CCDC178: variants seen among roughly 807,000 people sequenced by gnomAD.
The protein encoded by CCDC178 is coiled-coil domain-containing protein 178.
Under a neutral mutation model 117.4 loss-of-function variants are expected in CCDC178, and 126 were observed. The ratio of observed to expected loss-of-function variants is 1.07; its 90% confidence interval spans 0.93 to 1.24. The LOEUF (loss-of-function observed/expected upper bound fraction) is 1.24. Among genes scored for constraint, CCDC178 ranks in the 50% most tolerant of loss-of-function variants. The pLI is 0.00. For synonymous variants in CCDC178, 283 were observed against 313.4 expected, an observed-to-expected ratio of 0.90 and a Z score of 1.02; for missense variants, 1,030 against 986.9, an observed-to-expected ratio of 1.04 and a Z score of -0.59.
intron 9 of CCDC178, among the ~76,000 whole-genome samples, chr18:33,333,957 G>A (rs1205019919): frequency 6.6e-6 from 1 of 151,926 alleles, no homozygotes; most frequent in Non-Finnish European, 1.5e-5. Context: ...TGTATATTCT[G>A]ACCATTCTAT....
intron 11 of CCDC178, among the ~76,000 whole-genome samples, chr18:33,300,071 C>T (rs142823516): frequency 6.6e-5 from 10 of 152,304 alleles, no homozygotes; most frequent in African/African-American, 2.4e-4. Flanking sequence ...TAAATTGGTG[C>T]TGTCCTCAGG....
chr18:33,269,023 T>C (rs2059854508), intron 12 of CCDC178, among the ~76,000 whole-genome samples: 1 of 151,692 alleles, frequency 6.6e-6, no homozygotes. Context: ...CCAGAGAGAG[T>C]AGAATCAGGC....
intron 20 of CCDC178, among the ~76,000 whole-genome samples, chr18:33,159,681 T>C (rs1274150767): frequency 3.9e-5 from 6 of 152,054 alleles, no homozygotes; most frequent in Admixed American, 6.6e-5. Context: ...TTTAATCACA[T>C]CTTTAGAGTC....
intron 21 of CCDC178, among the ~76,000 whole-genome samples, chr18:33,025,672 C>A (rs1340112006): frequency 1.3e-5 from 2 of 151,974 alleles, no homozygotes; most frequent in Admixed American, 1.3e-4. Context: ...TTAGGGGAAT[C>A]AAATTAAAAC....
At chr18:33,274,569 A>G (rs894005938) in intron 12 of CCDC178, among the ~76,000 whole-genome samples, 1 of 152,036 alleles carries the variant, frequency 6.6e-6, no homozygotes, top group African/African-American at 2.4e-5. Flanking sequence ...CTACTCAGTC[A>G]TAAAAAGCAA....
chr18:33,439,380 C>A (rs1277070529), intron 2 of CCDC178, among the ~76,000 whole-genome samples: 1 of 152,152 alleles, frequency 6.6e-6, no homozygotes, highest in Non-Finnish European at 1.5e-5. Context: ...GCTCTGGCAG[C>A]AATCCCAACC....
At chr18:33,398,826 G>T (rs565346678) in intron 3 of CCDC178, among the ~76,000 whole-genome samples, 3 of 152,084 alleles carry the variant, frequency 2.0e-5, no homozygotes, top group Non-Finnish European at 4.4e-5. Context: ...ATTTTATACT[G>T]TAGTCTATTA....
chr18:32,959,314 C>T (rs1370273670), intron 22 of CCDC178, among the ~76,000 whole-genome samples: 3 of 152,050 alleles, frequency 2.0e-5, no homozygotes, highest in Admixed American at 2.0e-4. Flanking sequence ...GTTAAGCCTC[C>T]TATGTTTAAG....
At chr18:33,146,438 G>A (rs182821979) in intron 20 of CCDC178, among the ~76,000 whole-genome samples, 2 of 152,274 alleles carry the variant, frequency 1.3e-5, no homozygotes, top group African/African-American at 4.8e-5. Context: ...GAAGACTGCT[G>A]GAGCTCAGGA....
intron 20 of CCDC178, among the ~76,000 whole-genome samples, chr18:33,143,599 C>T (rs1461350257): frequency 6.6e-6 from 1 of 151,814 alleles, no homozygotes; most frequent in Non-Finnish European, 1.5e-5. Flanking sequence ...AATAATGTTC[C>T]CTAATATTAT....
chr18:33,371,784 T>TACACACACACACACAC (rs146013235), intron 5 of CCDC178, among the ~76,000 whole-genome samples: 20 of 144,192 alleles, frequency 1.4e-4, no homozygotes, highest in African/African-American at 4.4e-4. Flanking sequence ...TAAACATATA[T>TACACACACACACACAC]ACACACACAC....
At chr18:33,194,488 C>T (rs2058900950) in intron 20 of CCDC178, among the ~76,000 whole-genome samples, 1 of 152,252 alleles carries the variant, frequency 6.6e-6, no homozygotes, top group African/African-American at 2.4e-5. Context: ...CAATTAACTC[C>T]TGAATACTAG....
At chr18:33,083,435 T>C (rs1231818273) in intron 21 of CCDC178, among the ~76,000 whole-genome samples, 2 of 152,366 alleles carry the variant, frequency 1.3e-5, no homozygotes, top group African/African-American at 2.4e-5. Context: ...AATATCACCA[T>C]TGGTGAAAGT....
intron 15 of CCDC178, among the ~76,000 whole-genome samples, chr18:33,242,355 A>G (rs1254419268): frequency 6.6e-6 from 1 of 151,880 alleles, no homozygotes; most frequent in East Asian, 1.9e-4. Context: ...AAAAGATATT[A>G]TTCCAAAGAC....
intron 21 of CCDC178, among the ~76,000 whole-genome samples, chr18:33,063,955 T>C (rs781345973): frequency 6.6e-6 from 1 of 152,180 alleles, no homozygotes; most frequent in Non-Finnish European, 1.5e-5. Context: ...ATACAGAGAC[T>C]ACACTATTGT....
chr18:33,102,367 G>T (rs1430522168), intron 20 of CCDC178, among the ~76,000 whole-genome samples: 2 of 146,136 alleles, frequency 1.4e-5, no homozygotes, highest in Non-Finnish European at 3.0e-5. Context: ...ATACCCTATA[G>T]AATTACATCA....
At chr18:33,028,540 C>T (rs1220841009) in intron 21 of CCDC178, among the ~76,000 whole-genome samples, 1 of 151,478 alleles carries the variant, frequency 6.6e-6, no homozygotes, top group African/African-American at 2.4e-5. Flanking sequence ...TTATAGCCAG[C>T]TAGTTGATAT....
At chr18:32,962,519 G>A (rs894045253) in intron 22 of CCDC178, among the ~76,000 whole-genome samples, 2 of 151,926 alleles carry the variant, frequency 1.3e-5, no homozygotes, top group Non-Finnish European at 2.9e-5. Flanking sequence ...TATTTTTTCT[G>A]GGTAGAGAAT....
At chr18:33,272,897 A>T (rs1169717164) in intron 12 of CCDC178, among the ~76,000 whole-genome samples, 2 of 151,422 alleles carry the variant, frequency 1.3e-5, no homozygotes, top group Non-Finnish European at 3.0e-5. Context: ...AAATTTTCTT[A>T]TCCTGATAAA....
Sources: gnomAD v4.1 joint callset for allele counts (sites outside exome capture counted in the v4.1 genomes callset) on GRCh38, gnomAD v4.1.1 for gene constraint, MANE v1.5 for transcripts, NCBI Gene and HGNC (gene_info 2026-07-23, HGNC 2026-07-21) for gene names.